The following ITPR3 variants were observed in gnomAD, a reference collection of about 807,000 sequenced individuals.
The protein encoded by ITPR3 is inositol 1,4,5-trisphosphate-gated calcium channel ITPR3.
Under a neutral mutation model 293.2 loss-of-function variants are expected in ITPR3, and 173 were observed. That is an observed-to-expected ratio of 0.59 (90% CI 0.52 to 0.67). The LOEUF (loss-of-function observed/expected upper bound fraction) is 0.67. Ranked by LOEUF, ITPR3 falls within the 30% of genes least tolerant of loss-of-function variation. ITPR3 has a pLI of 0.00. For missense variants in ITPR3, 2,796 were observed against 3,592.1 expected, an observed-to-expected ratio of 0.78 and a Z score of 5.66; for synonymous variants, 1,295 against 1,444.4, an observed-to-expected ratio of 0.90 and a Z score of 2.35.
chr6:33,667,800 T>C lies in ITPR3; in HGVS notation c.1722T>C (p.Ile574=), dbSNP rs750327434. 3 of 1,613,836 alleles carry C rather than the reference T, an allele frequency of 1.9e-6. No homozygotes were observed. In the African/African-American group the frequency reaches 4.0e-5, roughly 22 times the overall value. Residue 574 remains isoleucine, a synonymous_variant, in exon 16 of 58, where the codon ATT becomes ATC. Transcript: ENST00000605930. The surrounding 1 kb of genome is among the most constrained non-coding windows in gnomAD (Gnocchi z 4.4). Reference sequence around the variant, plus strand: ...CCTGTCTGCCCCCCCAGGAGCACATTGCCAAGCAGTTTGGGATGATGCAGT... The same window carrying C: ...CCTGTCTGCCCCCCCAGGAGCACATCGCCAAGCAGTTTGGGATGATGCAGT... ...QEDYRKNQEH[I]AKQFGMMQSQ...
Position 33,682,265 on chromosome 6 carries a change from A to ATT in ITPR3, c.4477-254_4477-253dup, listed in dbSNP as rs923549587. On this transcript the variant is annotated intron_variant, in intron 33 of 57. Coordinates refer to ENST00000605930, the MANE Select transcript of ITPR3 (RefSeq NM_002224.4). The surrounding 1 kb of genome is among the most constrained non-coding windows in gnomAD (Gnocchi z 5.4). ...TTTTATGACATTAATTTTTTTAAAC[A>ATT]TTTTTTAAAAGGGTCAGCAACATGG... is the stretch of plus-strand genomic sequence containing the variant. Among the ~76,000 whole-genome samples, 1 of 152,162 alleles carries ATT rather than the reference A, an allele frequency of 6.6e-6. No individual in the cohort carries two copies. Among genetic ancestry groups the ATT allele is most frequent in the African/African-American group, 2.4e-5 (1 of 41,434 alleles).
At chr6:33,636,718 G>A (rs1309181799) in intron 1 of ITPR3, among the ~76,000 whole-genome samples, 1 of 151,976 alleles carries the variant, frequency 6.6e-6, no homozygotes, top group Admixed American at 6.6e-5. Context: ...CAGAGATGCC[G>A]AGTAGGCAGT....
Position 33,659,342 on chromosome 6 carries a change from T to G in ITPR3, c.628-124T>G, listed in dbSNP as rs1349619720. 7.3e-5 allele frequency: 71 copies of G among 970,548 alleles called. No individual in the cohort carries two copies. In the East Asian group the frequency reaches 1.8e-3, roughly 24 times the overall value. 60.1% of individuals were successfully genotyped at this position (970,548 alleles called of 1,614,324 possible). A position where few individuals can be genotyped will look rare whatever the true frequency, so the allele number is the denominator to read the frequency against. ...CGGGCTGGGGTCTGGGGACCCTGGCTAGGAGAAGACACCCTGTCCTTGTGC... is the reference window on the plus strand; with the variant it reads ...CGGGCTGGGGTCTGGGGACCCTGGCGAGGAGAAGACACCCTGTCCTTGTGC... On this transcript the variant is annotated intron_variant, in intron 6 of 57. Transcript: ENST00000605930.
At position 33,696,117 on chromosome 6, in the gene ITPR3, T is replaced by G. The variant is rs1019877851; in HGVS notation, c.*337T>G. Reference sequence around the variant, plus strand: ...AGTCCTCCTTGTGGGTAGTTAAGAGTGGGGTCACCCCTTTAACTCCAAGCA... The same window carrying G: ...AGTCCTCCTTGTGGGTAGTTAAGAGGGGGGTCACCCCTTTAACTCCAAGCA... On this transcript the variant is annotated 3_prime_UTR_variant, in exon 58 of 58. Transcript: ENST00000605930. 3.4e-6 allele frequency: 1 copy of G among 297,702 alleles called. No homozygotes were observed. Among genetic ancestry groups the G allele is most frequent in the African/African-American group, 2.1e-5 (1 of 47,362 alleles). The allele number at this position is 297,702 out of a possible 1,614,324, so 18.4% of individuals were successfully genotyped here. A position where few individuals can be genotyped will look rare whatever the true frequency, so the allele number is the denominator to read the frequency against.
intron 2 of ITPR3, among the ~76,000 whole-genome samples, chr6:33,643,399 G>T (rs1763993110): frequency 6.6e-6 from 1 of 152,160 alleles, no homozygotes; most frequent in Non-Finnish European, 1.5e-5. Context: ...TTCAGCTCCA[G>T]CCACCTTCGA....
Position 33,694,014 on chromosome 6 carries a change from C to T in ITPR3, c.7785+309C>T, listed in dbSNP as rs542247402. ...AAATCCCACAGCAAACCCATGCGCC[C>T]CGAAGAACACGTGTGGTATCCCTGG... On this transcript the variant is annotated intron_variant, in intron 56 of 57. Transcript: ENST00000605930. Among the ~76,000 whole-genome samples, 5 of 152,310 alleles carry T rather than the reference C, an allele frequency of 3.3e-5. No homozygotes were observed. In the South Asian group the frequency reaches 6.2e-4, roughly 19 times the overall value.
At chr6:33,681,849 A>G (rs1178768006) in intron 33 of ITPR3, among the ~76,000 whole-genome samples, 2 of 151,806 alleles carry the variant, frequency 1.3e-5, no homozygotes, top group African/African-American at 4.8e-5. Context: ...CTCCAGGGCA[A>G]TGAGGGTGAT....
At chr6:33,693,424 T>C in intron 55 of ITPR3, 121 bp from the exon 56 acceptor site, 1 of 969,990 alleles carries the variant, frequency 1.0e-6, no homozygotes, top group Non-Finnish European at 1.6e-6. Flanking sequence ...AGCGAGCTGT[T>C]GGAAGCGCTC....
Position 33,658,683 on chromosome 6 carries a change from A to G in ITPR3, c.383A>G (p.Lys128Arg). 1.2e-6 allele frequency: 2 copies of G among 1,614,078 alleles called. No homozygotes were observed. The highest frequency in any genetic ancestry group is 1.7e-6 in the Non-Finnish European group (2 of 1,179,946). Residue 128 changes from lysine (K) to arginine (R), a missense_variant, in exon 5 of 58, where the codon AAG (lysine) becomes AGG (arginine). Transcript: ENST00000605930. The surrounding 1 kb of genome is among the most constrained non-coding windows in gnomAD (Gnocchi z 6.1). ...YGSVIQLLHM[K>R]SNKYLTVNKR... Reference sequence around the variant, plus strand: ...CCTGACCCCCAGCTCCTGCACATGAAGAGCAACAAGTACCTGACAGTGAAC... The same window carrying G: ...CCTGACCCCCAGCTCCTGCACATGAGGAGCAACAAGTACCTGACAGTGAAC...
intron 1 of ITPR3, among the ~76,000 whole-genome samples, chr6:33,629,608 G>T (rs1210465042): frequency 6.6e-6 from 1 of 151,924 alleles, no homozygotes; most frequent in African/African-American, 2.4e-5. Flanking sequence ...AGCCTCCAGA[G>T]TAGCTGGGAT....
At chr6:33,647,969 T>C (rs1468750237) in intron 2 of ITPR3, among the ~76,000 whole-genome samples, 1 of 152,144 alleles carries the variant, frequency 6.6e-6, no homozygotes, top group African/African-American at 2.4e-5. Flanking sequence ...TCACCAGCAA[T>C]GTAATAAGAG....
rs772921153 is a variant in ITPR3, at chr6:33,689,226, C to T, written c.6695-12C>T. 3.7e-6 allele frequency: 6 copies of T among 1,606,934 alleles called. No homozygotes were observed. The highest frequency in any genetic ancestry group is 1.6e-4 in the Middle Eastern group (1 of 6,082). On this transcript the variant is annotated splice_polypyrimidine_tract_variant and intron_variant, in intron 49 of 57. Transcript: ENST00000605930. Reference sequence around the variant, plus strand: ...TTGAGGGAGCCCTGCTCACCCTGCCCCTGGCCCCCAGGCGTGCTGGACTCC... The same window carrying T: ...TTGAGGGAGCCCTGCTCACCCTGCCTCTGGCCCCCAGGCGTGCTGGACTCC...
intron 1 of ITPR3, among the ~76,000 whole-genome samples, chr6:33,626,691 G>T (rs924438543): frequency 6.6e-6 from 1 of 152,256 alleles, no homozygotes; most frequent in African/African-American, 2.4e-5. Context: ...GTTCCGTTCT[G>T]TGCAGTGGGG....
At position 33,670,688 on chromosome 6, in the gene ITPR3, A is replaced by C. The variant is rs755391508; in HGVS notation, c.2459A>C (p.Asn820Thr). ...ACCCTCAGCTATGATTCCAACCTCA[A>C]CGCGTCCCGAGATGACAAGAAGAAC... ...ITIKDYDSNL[N>T]ASRDDKKNKF... Residue 820 changes from asparagine (N) to threonine (T), a missense_variant, in exon 20 of 58, where the codon AAC (asparagine) becomes ACC (threonine). Physicochemically the swap from Asn to Thr is moderately conservative, Grantham distance 65 (BLOSUM62 0). Around this residue, in one of 8 missense-constraint regions of ITPR3, gnomAD observed 955 missense variants for 1,180.8 expected, o/e 0.81. Coordinates refer to ENST00000605930, the MANE Select transcript of ITPR3 (RefSeq NM_002224.4). This position sits in a 1 kb window ranked among gnomAD's most constrained non-coding sequence, Gnocchi z 6.7. The C allele has an allele frequency of 1.2e-6, 2 of 1,614,046 alleles. No individual in the cohort carries two copies. The highest frequency in any genetic ancestry group is 2.2e-5 in the South Asian group (2 of 91,070).
At chr6:33,681,558 T>C (rs1355977486) in intron 33 of ITPR3, among the ~76,000 whole-genome samples, 1 of 152,126 alleles carries the variant, frequency 6.6e-6, no homozygotes, top group Non-Finnish European at 1.5e-5. Context: ...AGAGCCCCCC[T>C]GAATGAAAGC....
chr6:33,694,643 A>G (rs1765488113), intron 56 of ITPR3: 2 of 435,430 alleles, frequency 4.6e-6, no homozygotes, highest in Non-Finnish European at 8.4e-6. Context: ...ATGAGAGTAA[A>G]CAGATGGTGC....
chr6:33,645,657 G>T (rs999152526), intron 2 of ITPR3, among the ~76,000 whole-genome samples: 7 of 152,160 alleles, frequency 4.6e-5, no homozygotes, highest in Non-Finnish European at 1.5e-5. Context: ...CGACTGTGGG[G>T]GCAGCTCCCT....
At chr6:33,668,679 A>T (rs985161960) in intron 17 of ITPR3, 45 bp downstream of exon 17, 1 of 1,612,282 alleles carries the variant, frequency 6.2e-7, no homozygotes, top group Non-Finnish European at 8.5e-7. Context: ...CACGCTGCTG[A>T]CCCCCAGCTG....
In ITPR3 at chr6:33,664,973, C is replaced by T. The variant is rs2274199; in HGVS notation, c.1248+4C>T. On this transcript the variant is annotated splice_donor_region_variant and intron_variant, in intron 12 of 57. Coordinates refer to ENST00000605930, the MANE Select transcript of ITPR3 (RefSeq NM_002224.4). This position sits in a 1 kb window ranked among gnomAD's most constrained non-coding sequence, Gnocchi z 4.4. ...GGAGCGGCCCATCCGGCTCATGGTG[C>T]GTGTCCCTGGGGTGGGGGTGGGGCT... The T allele has an allele frequency of 0.076, 54,390 of 715,980 alleles. 1,536 individuals carry two copies. Among genetic ancestry groups the T allele is most frequent in the South Asian group, 0.13 (9,933 of 77,042 alleles). The allele number at this position is 715,980 out of a possible 1,614,324, so 44.4% of individuals were successfully genotyped here.
Sources: allele counts gnomAD v4.1 joint callset (sites outside exome capture counted in the v4.1 genomes callset), GRCh38; gene constraint gnomAD v4.1.1; regional missense constraint gnomAD v4.1.1; non-coding constraint Gnocchi (gnomAD v3.1); transcripts MANE v1.5; gene names NCBI Gene and HGNC (gene_info 2026-07-23, HGNC 2026-07-21).